EXD3: variants seen among roughly 807,000 people sequenced by gnomAD.
The protein encoded by EXD3 is exonuclease 3'-5' domain containing 3.
EXD3 carries 92 observed loss-of-function variants against 98.0 expected under a neutral mutation model. The ratio of observed to expected loss-of-function variants is 0.94; its 90% confidence interval spans 0.79 to 1.12. The LOEUF (loss-of-function observed/expected upper bound fraction) is 1.12. EXD3 is among the 50% of genes most tolerant of loss of function. EXD3 has a pLI of 0.00. For synonymous variants in EXD3, 569 were observed against 526.0 expected (o/e 1.08, Z -1.12); for missense variants, 1,222 against 1,191.6 (o/e 1.03, Z -0.38).
Position 137,383,210 on chromosome 9 carries a change from T to TG in EXD3, c.120+102dup, listed in dbSNP as rs1588395732. The TG allele has an allele frequency of 6.3e-5, 61 of 963,936 alleles. No individual in the cohort carries two copies. The East Asian group carries it at 1.6e-3, about 26-fold the overall frequency. 59.7% of individuals were successfully genotyped at this position (963,936 alleles called of 1,614,324 possible). On this transcript the variant is annotated intron_variant, in intron 3 of 21. Transcript: ENST00000340951. The stretch of plus-strand genomic sequence containing the variant: ...AGGACCCTGTGGCCGTGGGGGGCTG[T>TG]GCAGCTTCCTGACCAGGGAGGCCTC...
intron 19 of EXD3, among the ~76,000 whole-genome samples, chr9:137,315,110 C>T (rs1286091873): frequency 2.6e-5 from 4 of 152,326 alleles, no homozygotes; most frequent in Admixed American, 2.6e-4. Flanking sequence ...CACCAGGCTG[C>T]CCCCAAGGCT....
At chr9:137,346,961 G>A (rs981512243) in intron 17 of EXD3, among the ~76,000 whole-genome samples, 8 of 152,002 alleles carry the variant, frequency 5.3e-5, no homozygotes, top group African/African-American at 1.5e-4. Context: ...GATTACAGGC[G>A]CCCGCCACCA....
chr9:137,372,873 T>G, intron 5 of EXD3, 32 bp downstream of exon 5: 1 of 1,594,700 alleles, frequency 6.3e-7, no homozygotes, highest in Non-Finnish European at 8.5e-7. Context: ...AGAAGCCGTT[T>G]CCCCATGAGC....
chr9:137,412,064 C>G (rs73565520), intron 1 of EXD3, among the ~76,000 whole-genome samples: 2,290 of 152,300 alleles, frequency 0.015, 54 homozygotes, highest in African/African-American at 0.052. Context: ...CCCCACAGAG[C>G]CGGCCTTACT....
Position 137,366,621 on chromosome 9 carries a change from T to G in EXD3, c.528A>C (p.Pro176=). The G allele has an allele frequency of 3.2e-6, 5 of 1,558,514 alleles. No individual in the cohort carries two copies. The highest frequency in any genetic ancestry group is 4.3e-6 in the Non-Finnish European group (5 of 1,152,370). Reference sequence around the variant, plus strand: ...GGGCCACCTTGTCCTGGAGGAGCAGTGGGATGCTCATCTGCAGGGGGACAC... The same window carrying G: ...GGGCCACCTTGTCCTGGAGGAGCAGGGGGATGCTCATCTGCAGGGGGACAC... The part of the protein sequence containing the change: ...SELGVEKMSI[P]LLLQDKVALV... Residue 176 remains proline (P), a synonymous_variant, in exon 7 of 22, where the codon CCA becomes CCC. Transcript: ENST00000340951.
chr9:137,393,133 G>T lies in EXD3; in HGVS notation c.55+2170C>A. 1.4e-6 allele frequency: 1 copy of T among 701,458 alleles called. No individual in the cohort carries two copies. Among genetic ancestry groups the T allele is most frequent in the Non-Finnish European group, 2.6e-6 (1 of 384,846 alleles). The allele number at this position is 701,458 out of a possible 1,614,324, so 43.5% of individuals were successfully genotyped here. A position where few individuals can be genotyped will look rare whatever the true frequency, so the allele number is the denominator to read the frequency against. On this transcript the variant is annotated intron_variant, in intron 2 of 21. Coordinates refer to ENST00000340951, the MANE Select transcript of EXD3 (RefSeq NM_017820.5). The surrounding 1 kb of genome is among the most constrained non-coding windows in gnomAD (Gnocchi z 4.6). ...CAGGGAGGGCCATTAGTGTTCCAGG[G>T]GGCGCCGAGGCTGTTCCAGGGGCCC...
At chr9:137,396,054 G>A (rs1837204651) in intron 1 of EXD3, among the ~76,000 whole-genome samples, 1 of 149,830 alleles carries the variant, frequency 6.7e-6, no homozygotes, top group Non-Finnish European at 1.5e-5. Context: ...TGCAACCTCC[G>A]CCTTCCGGGT....
chr9:137,307,791 G>T (rs971667683), intron 20 of EXD3, 145 bp from the exon 21 acceptor site: 1 of 880,600 alleles, frequency 1.1e-6, no homozygotes, highest in East Asian at 2.7e-5. Context: ...CTTCGCAGAC[G>T]GGCAGAGGGC....
chr9:137,375,998 T>C (rs1835879077), intron 3 of EXD3, among the ~76,000 whole-genome samples: 1 of 152,122 alleles, frequency 6.6e-6, no homozygotes, highest in South Asian at 2.1e-4. Context: ...ACTTATATTT[T>C]ACTCTCTCTT....
chr9:137,343,681 C>T (rs1192586968), intron 17 of EXD3, among the ~76,000 whole-genome samples: 228 of 139,936 alleles, frequency 1.6e-3, no homozygotes, highest in African/African-American at 5.3e-3. Flanking sequence ...CTCTGCCTCC[C>T]GGGTTCATGC....
At chr9:137,365,758 A>G (rs1308388671) in intron 7 of EXD3, 1 of 330,552 alleles carries the variant, frequency 3.0e-6, no homozygotes, top group Non-Finnish European at 5.9e-6. Context: ...ATACATGCAC[A>G]CACACACCAC....
chr9:137,353,994 CCTT>C (rs1206235482), intron 10 of EXD3: 1 of 1,120,282 alleles, frequency 8.9e-7, no homozygotes, highest in Non-Finnish European at 1.1e-6. Flanking sequence ...TGGCCTTCCT[CCTT>C]CCGGCCTCGC....
chr9:137,344,911 C>T (rs536461529), intron 17 of EXD3, among the ~76,000 whole-genome samples: 180 of 152,012 alleles, frequency 1.2e-3, no homozygotes, highest in African/African-American at 4.2e-3. Context: ...CTTCAGCTCA[C>T]ATTTCACCAT....
intron 1 of EXD3, among the ~76,000 whole-genome samples, chr9:137,396,921 A>G (rs1837242528): frequency 6.6e-6 from 1 of 152,214 alleles, no homozygotes. Flanking sequence ...CAGCCCCAGG[A>G]CAGCTGCTCC....
intron 17 of EXD3, among the ~76,000 whole-genome samples, chr9:137,338,506 T>G (rs1833479817): frequency 6.6e-6 from 1 of 151,530 alleles, no homozygotes; most frequent in South Asian, 2.1e-4. Flanking sequence ...AGGAAGGAAA[T>G]TATAAAGATA....
intron 17 of EXD3, among the ~76,000 whole-genome samples, chr9:137,328,658 GGGA>G (rs1832666179): frequency 1.3e-5 from 1 of 74,540 alleles, no homozygotes; most frequent in African/African-American, 7.2e-5. Flanking sequence ...GGGACTACAC[GGGA>G]CTACACGGGA....
intron 7 of EXD3, chr9:137,366,145 T>C: frequency 5.7e-6 from 4 of 699,996 alleles, no homozygotes; most frequent in East Asian, 2.7e-5. Flanking sequence ...ACACACCAAG[T>C]GCTTCCAAAA....
At chr9:137,358,088 A>G (rs1834883339) in intron 7 of EXD3, among the ~76,000 whole-genome samples, 1 of 152,168 alleles carries the variant, frequency 6.6e-6, no homozygotes, top group African/African-American at 2.4e-5. Flanking sequence ...AGACACACCC[A>G]GGATCAATAC....
At chr9:137,401,579 C>T (rs887218957) in intron 1 of EXD3, among the ~76,000 whole-genome samples, 1 of 152,206 alleles carries the variant, frequency 6.6e-6, no homozygotes, top group Admixed American at 6.5e-5. Flanking sequence ...CAGAGGTTCC[C>T]AAACCTCATT....
Sources: allele counts gnomAD v4.1 joint callset (sites outside exome capture counted in the v4.1 genomes callset), GRCh38; gene constraint gnomAD v4.1.1; non-coding constraint Gnocchi (gnomAD v3.1); transcripts MANE v1.5; gene names NCBI Gene and HGNC (gene_info 2026-07-23, HGNC 2026-07-21).